HTR2B: variants seen among roughly 807,000 people sequenced by gnomAD.
HTR2B encodes 5-hydroxytryptamine receptor 2B, also known as 5-HT 2B receptor.
Under a neutral mutation model 39.8 loss-of-function variants are expected in HTR2B, and 31 were observed. That is an observed-to-expected ratio of 0.78 (90% CI 0.58 to 1.05). The LOEUF is 1.05. HTR2B is among the 50% of genes least tolerant of loss of function. HTR2B has a pLI of 0.00. For missense variants in HTR2B, 562 were observed against 578.0 expected, an observed-to-expected ratio of 0.97 and a Z score of 0.28; for synonymous variants, 210 against 207.1, an observed-to-expected ratio of 1.01 and a Z score of -0.12.
At chr2:231,111,392 T>C (rs528083017) in intron 3 of HTR2B, among the ~76,000 whole-genome samples, 1 of 152,338 alleles carries the variant, frequency 6.6e-6, no homozygotes, top group East Asian at 1.9e-4. Flanking sequence ...TAATGAGACT[T>C]CATTCATCTC....
intron 3 of HTR2B, among the ~76,000 whole-genome samples, chr2:231,112,150 A>AAT (rs368818524): frequency 4.6e-5 from 7 of 152,216 alleles, no homozygotes; most frequent in African/African-American, 1.7e-4. Flanking sequence ...ACCCCACCCC[A>AAT]ATATACACAT....
chr2:231,122,143 G>A (rs1695566944), intron 2 of HTR2B, among the ~76,000 whole-genome samples: 2 of 152,112 alleles, frequency 1.3e-5, no homozygotes, highest in African/African-American at 4.8e-5. Context: ...GAGATAGAAA[G>A]ACTGTTAATT....
intron 2 of HTR2B, among the ~76,000 whole-genome samples, chr2:231,120,460 A>G (rs939279503): frequency 6.6e-6 from 1 of 152,232 alleles, no homozygotes; most frequent in Admixed American, 6.5e-5. Context: ...ATAAAAAACT[A>G]CAACTGTAAA....
At position 231,113,831 on chromosome 2, in the gene HTR2B, C is replaced by T; in HGVS notation, c.451G>A (p.Val151Met). The T allele has an allele frequency of 1.2e-6, 2 of 1,614,108 alleles. No individual in the cohort carries two copies. The highest frequency in any genetic ancestry group is 1.7e-6 in the Non-Finnish European group (2 of 1,179,988). Residue 151 changes from valine to methionine, a missense_variant, in exon 3 of 4, where the codon GTG (valine) becomes ATG (methionine). Physicochemically the swap from Val to Met is conservative, Grantham distance 21. Coordinates refer to ENST00000258400, the MANE Select transcript of HTR2B (RefSeq NM_000867.5). ...TTTTTGATGGCTATGTAACGATCCA[C>T]TGAAATGGCACAGAGATGCATGATG... ...ASIMHLCAIS[V>M]DRYIAIKKPI...
chr2:231,123,426 CAA>C lies in HTR2B; in HGVS notation c.337_338del (p.Leu113AspfsTer5), dbSNP rs781159379. The C allele has an allele frequency of 1.2e-6, 2 of 1,613,150 alleles. No individual in the cohort carries two copies. Among genetic ancestry groups the C allele is most frequent in the African/African-American group, 2.7e-5 (2 of 74,886 alleles). ...VGLFVMPIAL[L>X]TIMFEAMWPL... is the part of the protein sequence containing the mutation. ...TGAAATACTTACCAAACATTATTGTCAAGAGGGCAATTGGCATCACAAACAAT... is the reference window on the plus strand; with the variant it reads ...TGAAATACTTACCAAACATTATTGTCGAGGGCAATTGGCATCACAAACAAT... On this transcript the variant is annotated frameshift_variant, in exon 2 of 4. Transcript: ENST00000258400. LOFTEE classifies it high-confidence loss of function.
intron 2 of HTR2B, among the ~76,000 whole-genome samples, chr2:231,117,966 G>T (rs915285213): frequency 1.3e-5 from 2 of 152,100 alleles, no homozygotes; most frequent in Non-Finnish European, 2.9e-5. Context: ...TGGCTGGTCA[G>T]ATTTCTCATT....
chr2:231,117,042 C>G (rs965931251), intron 2 of HTR2B, among the ~76,000 whole-genome samples: 2 of 151,944 alleles, frequency 1.3e-5, no homozygotes, highest in Non-Finnish European at 2.9e-5. Flanking sequence ...AAAAACAGTT[C>G]TAGACACACT....
rs781205348 is a variant in HTR2B, at chr2:231,123,625, A to G, written c.140T>C (p.Val47Ala). 1.5e-5 allele frequency: 25 copies of G among 1,614,120 alleles called. No individual in the cohort carries two copies. The African/African-American group carries it at 2.9e-4, about 19-fold the overall frequency. Residue 47 changes from valine to alanine, a missense_variant, in exon 2 of 4, where the codon GTT becomes GCT. Physicochemically the swap from Val to Ala is moderately conservative, Grantham distance 64. Transcript: ENST00000258400. ...GTGCAGTTTATTTCCCTGTTCCTCA[A>G]CAATCTGTTTCATTTCCTCTGGTAT... ...ESIPEEMKQI[V>A]EEQGNKLHWA...
intron 3 of HTR2B, among the ~76,000 whole-genome samples, chr2:231,113,096 C>T (rs975410830): frequency 3.3e-5 from 5 of 151,998 alleles, no homozygotes; most frequent in African/African-American, 9.7e-5. Context: ...CCCGGGAAGT[C>T]GAGGCAGCAG....
intron 2 of HTR2B, among the ~76,000 whole-genome samples, chr2:231,121,744 A>G (rs1026131322): frequency 3.9e-5 from 6 of 152,198 alleles, no homozygotes; most frequent in Non-Finnish European, 8.8e-5. Flanking sequence ...CTTTGCATAT[A>G]ATAGATGTTT....
intron 3 of HTR2B, among the ~76,000 whole-genome samples, chr2:231,113,351 G>A (rs1474428608): frequency 6.6e-6 from 1 of 152,102 alleles, no homozygotes; most frequent in Non-Finnish European, 1.5e-5. Flanking sequence ...GATTTAAGGT[G>A]CATTTCTTGT....
chr2:231,109,008 C>A lies in HTR2B; in HGVS notation c.955G>T (p.Glu319Ter). Residue 319 changes from glutamate (E) to a stop codon, truncating the protein, a stop_gained, in exon 4 of 4, where the codon GAA becomes TAA. Coordinates refer to ENST00000258400, the MANE Select transcript of HTR2B (RefSeq NM_000867.5). LOFTEE classifies it high-confidence loss of function. ...GKKSVQTISN[E>*]QRASKVLGIV... ...CCTAGGACCTTTGAGGCTCTCTGTTCGTTGGAAATGGTCTGCACTGACTTT... is the reference window on the plus strand; with the variant it reads ...CCTAGGACCTTTGAGGCTCTCTGTTAGTTGGAAATGGTCTGCACTGACTTT... 3 of 1,614,178 alleles carry A rather than the reference C, an allele frequency of 1.9e-6. No homozygotes were observed. The highest frequency in any genetic ancestry group is 2.5e-6 in the Non-Finnish European group (3 of 1,180,028).
intron 2 of HTR2B, 100 bp from the exon 3 acceptor site, chr2:231,114,029 C>G: frequency 1.1e-6 from 1 of 899,612 alleles, no homozygotes; most frequent in Non-Finnish European, 1.8e-6. Context: ...TTTTGTTACT[C>G]ATCTGAAATT....
chr2:231,116,507 G>A lies in HTR2B; in HGVS notation c.353-2578C>T, dbSNP rs554049138. Among the ~76,000 whole-genome samples the A allele has an allele frequency of 2.6e-5, 4 of 151,834 alleles. No individual in the cohort carries two copies. The East Asian group carries it at 7.7e-4, about 29-fold the overall frequency. ...TCTAGTTATGGATTATACTTCTGAA[G>A]ATTAAGGTTTGGAAAATTCTAGTCA... is the stretch of plus-strand genomic sequence containing the variant. On this transcript the variant is annotated intron_variant, in intron 2 of 3. Transcript: ENST00000258400.
Position 231,119,201 on chromosome 2 carries a change from A to G in HTR2B, c.352+4212T>C, listed in dbSNP as rs574123796. 2.6e-5 allele frequency among the ~76,000 whole-genome samples: 4 copies of G among 152,256 alleles called. No homozygotes were observed. The South Asian group carries it at 8.3e-4, about 31-fold the overall frequency. On this transcript the variant is annotated intron_variant, in intron 2 of 3. Coordinates refer to ENST00000258400, the MANE Select transcript of HTR2B (RefSeq NM_000867.5). Reference sequence around the variant, plus strand: ...CTTTAATTCATTGCTTTTCTCCTCCATTTCAGAATTGGGTAGGCTAACATT... The same window carrying G: ...CTTTAATTCATTGCTTTTCTCCTCCGTTTCAGAATTGGGTAGGCTAACATT...
intron 2 of HTR2B, among the ~76,000 whole-genome samples, chr2:231,119,425 T>A (rs942280281): frequency 1.2e-4 from 18 of 152,140 alleles, no homozygotes; most frequent in African/African-American, 4.1e-4. Context: ...AACTCTGAAA[T>A]AATAAGTGAC....
Position 231,108,620 on chromosome 2 carries a change from A to C in HTR2B, c.1343T>G (p.Leu448Arg), listed in dbSNP as rs1695038604. ...NPAMYQSPMR[L>R]RSSTIQSSSI... is the part of the protein sequence containing the mutation. ...TGAAGACTGAATGGTTGAACTTCGG[A>C]GCCTCATTGGACTCTGGTACATGGC... is the stretch of plus-strand genomic sequence containing the variant. Residue 448 changes from leucine (L) to arginine (R), a missense_variant, in exon 4 of 4, where the codon CTC becomes CGC. Coordinates refer to ENST00000258400, the MANE Select transcript of HTR2B (RefSeq NM_000867.5). 1 of 1,613,858 alleles carries C rather than the reference A, an allele frequency of 6.2e-7. No individual in the cohort carries two copies. Among genetic ancestry groups the C allele is most frequent in the African/African-American group, 1.3e-5 (1 of 74,902 alleles).
chr2:231,109,364 T>G lies in HTR2B; in HGVS notation c.599A>C (p.Asp200Ala), dbSNP rs1695080163. 6.2e-7 allele frequency: 1 copy of G among 1,614,024 alleles called. No individual in the cohort carries two copies. The highest frequency in any genetic ancestry group is 8.5e-7 in the Non-Finnish European group (1 of 1,180,000). ...CACACAAGTGATATTGTTTGGGTTG[T>G]CCACATCAGTCTCTATCCCTTTAAT... ...VPIKGIETDV[D>A]NPNNITCVLT... Residue 200 changes from aspartate (D) to alanine (A), a missense_variant, in exon 4 of 4, where the codon GAC becomes GCC. Coordinates refer to ENST00000258400, the MANE Select transcript of HTR2B (RefSeq NM_000867.5).
intron 3 of HTR2B, 69 bp from the exon 4 acceptor site, chr2:231,109,478 G>T: frequency 7.6e-7 from 1 of 1,317,934 alleles, no homozygotes; most frequent in Non-Finnish European, 1.1e-6. Context: ...AGATCCTTTT[G>T]GATTGTATCC....
Sources: gnomAD v4.1 joint callset for allele counts (sites outside exome capture counted in the v4.1 genomes callset) on GRCh38, gnomAD v4.1.1 for gene constraint, MANE v1.5 for transcripts, NCBI Gene and HGNC (gene_info 2026-07-23, HGNC 2026-07-21) for gene names.